Variants in ASIC2 observed in about 807,000 individuals in gnomAD.
ASIC2 encodes acid-sensing ion channel 2.
Under a neutral mutation model 57.3 loss-of-function variants are expected in ASIC2, and 25 were observed. The observed-to-expected ratio is 0.44, with a 90% CI of 0.32 to 0.61. The LOEUF (loss-of-function observed/expected upper bound fraction) is 0.61. Ranked by LOEUF, ASIC2 falls within the 20% of genes least tolerant of loss-of-function variation. The pLI is 0.06. For missense variants in ASIC2, 641 were observed against 738.1 expected, an observed-to-expected ratio of 0.87 and a Z score of 1.52; for synonymous variants, 319 against 307.5, an observed-to-expected ratio of 1.04 and a Z score of -0.39.
intron 1 of ASIC2, among the ~76,000 whole-genome samples, chr17:33,120,681 G>A (rs2092298751): frequency 6.6e-6 from 1 of 152,216 alleles, no homozygotes; most frequent in South Asian, 2.1e-4. Flanking sequence ...GGCTGGTTGG[G>A]GGAAGAAGGT....
At chr17:33,130,816 G>C (rs2092342692) in intron 1 of ASIC2, among the ~76,000 whole-genome samples, 1 of 152,176 alleles carries the variant, frequency 6.6e-6, no homozygotes, top group African/African-American at 2.4e-5. Context: ...ACATCTAAGG[G>C]CCCTAAGCCT....
chr17:33,088,507 C>G (rs1430994449), intron 3 of ASIC2, among the ~76,000 whole-genome samples: 1 of 151,588 alleles, frequency 6.6e-6, no homozygotes, highest in Admixed American at 6.6e-5. Flanking sequence ...TGTATTAACG[C>G]AAGTGATGAA....
At chr17:33,787,685 A>C (rs966992788) in intron 1 of ASIC2, among the ~76,000 whole-genome samples, 3 of 152,174 alleles carry the variant, frequency 2.0e-5, no homozygotes, top group Admixed American at 6.5e-5. Flanking sequence ...TTGTATCAGT[A>C]GTTTCTGCAC....
intron 1 of ASIC2, among the ~76,000 whole-genome samples, chr17:33,144,122 A>G (rs1476373730): frequency 1.3e-5 from 2 of 151,954 alleles, no homozygotes; most frequent in Non-Finnish European, 1.5e-5. Context: ...AGCTGGGCCA[A>G]TCAGTTACTT....
At chr17:33,555,611 C>T (rs1238835030) in intron 1 of ASIC2, among the ~76,000 whole-genome samples, 1 of 152,104 alleles carries the variant, frequency 6.6e-6, no homozygotes, top group East Asian at 1.9e-4. Context: ...TAACCCAACT[C>T]ATGAAATTCT....
At chr17:33,892,630 T>C (rs545681742) in intron 1 of ASIC2, among the ~76,000 whole-genome samples, 14 of 152,352 alleles carry the variant, frequency 9.2e-5, no homozygotes, top group Non-Finnish European at 1.6e-4. Context: ...CTCACTGGAC[T>C]GTAGGCACAT....
chr17:33,866,314 A>C (rs1914235747), intron 1 of ASIC2, among the ~76,000 whole-genome samples: 1 of 152,164 alleles, frequency 6.6e-6, no homozygotes, highest in South Asian at 2.1e-4. Context: ...GAAAGTTCTC[A>C]AATTTGTCCT....
intron 1 of ASIC2, among the ~76,000 whole-genome samples, chr17:33,165,912 A>C (rs1905292251): frequency 6.6e-6 from 1 of 152,130 alleles, no homozygotes; most frequent in Non-Finnish European, 1.5e-5. Flanking sequence ...ATTGGAGACC[A>C]ATTGACATAT....
chr17:33,372,281 G>A (rs1023456958), intron 1 of ASIC2, among the ~76,000 whole-genome samples: 1 of 152,004 alleles, frequency 6.6e-6, no homozygotes, highest in African/African-American at 2.4e-5. Flanking sequence ...TAGCACAGAA[G>A]TACAGTGGGG....
chr17:33,054,123 C>G (rs993643243), intron 3 of ASIC2, among the ~76,000 whole-genome samples: 1 of 152,130 alleles, frequency 6.6e-6, no homozygotes, highest in Non-Finnish European at 1.5e-5. Flanking sequence ...TGCCAAGATG[C>G]CTTCTCCACC....
At chr17:33,412,985 C>G (rs1346468529) in intron 1 of ASIC2, among the ~76,000 whole-genome samples, 2 of 152,188 alleles carry the variant, frequency 1.3e-5, no homozygotes, top group Non-Finnish European at 2.9e-5. Flanking sequence ...ACAAGCCGCT[C>G]TGTGCTCTTA....
chr17:33,016,061 G>A, intron 8 of ASIC2, 22 bp from the exon 9 acceptor site: 1 of 1,613,116 alleles, frequency 6.2e-7, no homozygotes, highest in South Asian at 1.1e-5. Context: ...GCAGGAAGGG[G>A]TTGGTCAGGC....
In ASIC2 at chr17:33,913,316, A is replaced by AT. The variant is rs951150389; in HGVS notation, c.555+242661dup. Among the ~76,000 whole-genome samples, 446 of 149,978 alleles carry AT rather than the reference A, an allele frequency of 3.0e-3. 4 individuals carry two copies. The highest frequency in any genetic ancestry group is 0.01 in the Admixed American group (155 of 15,014). On this transcript the variant is annotated intron_variant, in intron 1 of 9. Coordinates refer to the ASIC2 transcript ENST00000359872. Reference sequence around the variant, plus strand: ...GCTTAGGTAAAATGCAACTGTAAACATTTTTTTTTTAAGCAAAATGGCCTA... The same window carrying AT: ...GCTTAGGTAAAATGCAACTGTAAACATTTTTTTTTTTAAGCAAAATGGCCTA...
chr17:33,185,385 G>A (rs534457509), intron 1 of ASIC2, among the ~76,000 whole-genome samples: 2 of 152,250 alleles, frequency 1.3e-5, no homozygotes, highest in African/African-American at 4.8e-5. Context: ...GTGACTTGGT[G>A]CACACGGTAA....
intron 1 of ASIC2, among the ~76,000 whole-genome samples, chr17:33,496,719 G>A (rs1159808622): frequency 2.2e-5 from 3 of 137,744 alleles, no homozygotes; most frequent in Non-Finnish European, 3.0e-5. Flanking sequence ...CTGGGTTCAA[G>A]CAATTCTCAT....
chr17:34,145,947 G>A (rs1227890868), intron 1 of ASIC2, among the ~76,000 whole-genome samples: 2 of 152,214 alleles, frequency 1.3e-5, no homozygotes, highest in Non-Finnish European at 2.9e-5. Flanking sequence ...GCTGGTAGAA[G>A]GGTAGGAAAG....
intron 1 of ASIC2, among the ~76,000 whole-genome samples, chr17:34,100,852 G>T (rs1323503552): frequency 1.3e-5 from 2 of 152,168 alleles, no homozygotes; most frequent in African/African-American, 4.8e-5. Flanking sequence ...AAACTTACTT[G>T]ATCATAGGAA....
chr17:33,598,890 C>G (rs1905051992), intron 1 of ASIC2, among the ~76,000 whole-genome samples: 1 of 152,198 alleles, frequency 6.6e-6, no homozygotes, highest in Non-Finnish European at 1.5e-5. Flanking sequence ...CCTCCCTCAA[C>G]TACTTTGTCA....
intron 1 of ASIC2, chr17:33,572,303 C>G (rs889055896): frequency 2.6e-5 from 2 of 76,208 alleles, no homozygotes; most frequent in Non-Finnish European, 5.4e-5. Context: ...AAGAAACGCA[C>G]CCCCCCCACC....
Sources: allele counts gnomAD v4.1 joint callset (sites outside exome capture counted in the v4.1 genomes callset), GRCh38; gene constraint gnomAD v4.1.1; transcripts MANE v1.5; gene names NCBI Gene and HGNC (gene_info 2026-07-23, HGNC 2026-07-21).